Variants in NELL1 observed in about 807,000 individuals in gnomAD.
NELL1 encodes protein kinase C-binding protein NELL1.
Under a neutral mutation model 107.4 loss-of-function variants are expected in NELL1, and 76 were observed. The ratio of observed to expected loss-of-function variants is 0.71; its 90% confidence interval spans 0.59 to 0.86. The LOEUF (loss-of-function observed/expected upper bound fraction) is 0.86. Ranked by LOEUF, NELL1 falls within the 40% of genes least tolerant of loss-of-function variation. The pLI is 0.00. For synonymous variants in NELL1, 353 were observed against 341.2 expected (o/e 1.03, Z -0.38); for missense variants, 1,024 against 1,005.5 (o/e 1.02, Z -0.25).
At position 21,376,113 on chromosome 11, in the gene NELL1, T is replaced by C. The variant is rs116435065; in HGVS notation, c.1645+5165T>C. Among the ~76,000 whole-genome samples, 669 of 151,230 alleles carry C rather than the reference T, an allele frequency of 4.4e-3. 5 individuals are homozygous for C. The highest frequency in any genetic ancestry group is 0.015 in the African/African-American group (634 of 41,066). ...TTGCTTATGAAGAGTTAGGCATAAA[T>C]TCTTTCCTAAGGCTGATGTCCATAG... On this transcript the variant is annotated intron_variant, in intron 15 of 19. Transcript: ENST00000357134.
intron 15 of NELL1, among the ~76,000 whole-genome samples, chr11:21,404,954 A>G (rs944387307): frequency 1.3e-5 from 2 of 152,026 alleles, no homozygotes; most frequent in African/African-American, 4.8e-5. Context: ...CAGATTACCT[A>G]TTCTAGGTCC....
chr11:20,705,203 A>G (rs935859308), intron 2 of NELL1, among the ~76,000 whole-genome samples: 46 of 152,194 alleles, frequency 3.0e-4, no homozygotes, highest in African/African-American at 9.7e-4. Context: ...CCACATTGCC[A>G]AGTCAATCCT....
chr11:21,388,454 G>T (rs887542664), intron 15 of NELL1, among the ~76,000 whole-genome samples: 3 of 151,826 alleles, frequency 2.0e-5, no homozygotes, highest in Admixed American at 1.3e-4. Flanking sequence ...TTGAGAACAA[G>T]AACAATTTTA....
chr11:21,392,044 A>T (rs1851890764), intron 15 of NELL1, among the ~76,000 whole-genome samples: 1 of 151,790 alleles, frequency 6.6e-6, no homozygotes, highest in African/African-American at 2.4e-5. Flanking sequence ...GCATTCTGAG[A>T]GTCAGGTCGG....
chr11:21,092,955 G>T lies in NELL1; in HGVS notation c.1301-20634G>T, dbSNP rs188814404. Among the ~76,000 whole-genome samples the T allele has an allele frequency of 4.0e-3, 602 of 152,160 alleles. 8 individuals carry two copies. Among genetic ancestry groups the T allele is most frequent in the Non-Finnish European group, 4.1e-3 (279 of 68,010 alleles). On this transcript the variant is annotated intron_variant, in intron 12 of 19. Transcript: ENST00000357134. ...ACAATTCTCTTCTAGGTGGTCTGGCGGGATCAGAGCAGAGAAGAGTCAGCT... is the reference window on the plus strand; with the variant it reads ...ACAATTCTCTTCTAGGTGGTCTGGCTGGATCAGAGCAGAGAAGAGTCAGCT...
intron 14 of NELL1, among the ~76,000 whole-genome samples, chr11:21,331,111 T>C (rs1242956707): frequency 6.6e-6 from 1 of 152,088 alleles, no homozygotes; most frequent in African/African-American, 2.4e-5. Flanking sequence ...TGCCCTCATA[T>C]CTTCCTTAAC....
At position 20,713,421 on chromosome 11, in the gene NELL1, T is replaced by G. The variant is rs189335881; in HGVS notation, c.184+35361T>G. ...CAGAGGGGATTATGGCTGCCTCTTC[T>G]GTGTCATATAGTTCACCAGGGAAGT... On this transcript the variant is annotated intron_variant, in intron 2 of 19. Coordinates refer to ENST00000357134, the MANE Select transcript of NELL1 (RefSeq NM_006157.5). 4.6e-5 allele frequency among the ~76,000 whole-genome samples: 7 copies of G among 152,232 alleles called. No homozygotes were observed. In the East Asian group the frequency reaches 1.4e-3, roughly 29 times the overall value.
intron 4 of NELL1, among the ~76,000 whole-genome samples, chr11:20,862,395 C>G (rs191341114): frequency 6.6e-6 from 1 of 152,212 alleles, no homozygotes; most frequent in Admixed American, 6.5e-5. Flanking sequence ...GCTTCCCTTT[C>G]TGTCAACATC....
chr11:21,046,624 A>C (rs576135088), intron 12 of NELL1, among the ~76,000 whole-genome samples: 1 of 152,122 alleles, frequency 6.6e-6, no homozygotes, highest in African/African-American at 2.4e-5. Context: ...ATTCACAACT[A>C]TAATTATTCT....
At chr11:20,991,757 G>C (rs957004461) in intron 12 of NELL1, among the ~76,000 whole-genome samples, 1 of 152,176 alleles carries the variant, frequency 6.6e-6, no homozygotes, top group Non-Finnish European at 1.5e-5. Context: ...CTCTGGGAAC[G>C]ATACTCGCTA....
intron 12 of NELL1, among the ~76,000 whole-genome samples, chr11:21,034,514 C>G (rs1361187541): frequency 2.0e-5 from 3 of 152,150 alleles, no homozygotes; most frequent in Non-Finnish European, 2.9e-5. Flanking sequence ...CACTCCTGAG[C>G]AAATGCGAAA....
At chr11:20,708,311 G>A (rs959290477) in intron 2 of NELL1, among the ~76,000 whole-genome samples, 29 of 152,154 alleles carry the variant, frequency 1.9e-4, no homozygotes, top group Admixed American at 1.4e-3. Context: ...GCGATGCCCC[G>A]CCCTGCTTCG....
At chr11:21,466,667 G>A (rs1267227123) in intron 15 of NELL1, among the ~76,000 whole-genome samples, 1 of 152,138 alleles carries the variant, frequency 6.6e-6, no homozygotes, top group African/African-American at 2.4e-5. Flanking sequence ...AGTGCCTCTT[G>A]TTGAATTTGA....
At chr11:21,372,402 C>T (rs1259364134) in intron 15 of NELL1, among the ~76,000 whole-genome samples, 1 of 151,896 alleles carries the variant, frequency 6.6e-6, no homozygotes, top group Admixed American at 6.6e-5. Context: ...ATCATGAATA[C>T]TACTACTAAT....
At chr11:21,111,016 TC>T (rs1341082988) in intron 12 of NELL1, among the ~76,000 whole-genome samples, 1 of 152,066 alleles carries the variant, frequency 6.6e-6, no homozygotes, top group African/African-American at 2.4e-5. Flanking sequence ...TACGCAAAGC[TC>T]CTTTTTGTAA....
chr11:21,183,324 A>T (rs951232451), intron 13 of NELL1, among the ~76,000 whole-genome samples: 1 of 151,936 alleles, frequency 6.6e-6, no homozygotes, highest in African/African-American at 2.4e-5. Flanking sequence ...ATAATAAATG[A>T]TTGTTGCTGA....
chr11:21,276,774 C>G (rs1036966843), intron 14 of NELL1, among the ~76,000 whole-genome samples: 9 of 152,182 alleles, frequency 5.9e-5, no homozygotes, highest in African/African-American at 2.2e-4. Flanking sequence ...CTTTGACAAA[C>G]CTGACAAAAA....
intron 5 of NELL1, among the ~76,000 whole-genome samples, chr11:20,891,497 A>G (rs897998170): frequency 9.2e-5 from 14 of 152,196 alleles, no homozygotes; most frequent in Non-Finnish European, 2.1e-4. Flanking sequence ...GACAGGATCA[A>G]ATTCACACAT....
intron 3 of NELL1, among the ~76,000 whole-genome samples, chr11:20,843,380 A>G (rs1396612713): frequency 6.6e-6 from 1 of 152,122 alleles, no homozygotes; most frequent in African/African-American, 2.4e-5. Context: ...GCTAGTATAT[A>G]TCCTTGTAGA....
Sources: allele counts gnomAD v4.1 joint callset (sites outside exome capture counted in the v4.1 genomes callset), GRCh38; gene constraint gnomAD v4.1.1; transcripts MANE v1.5; gene names NCBI Gene and HGNC (gene_info 2026-07-23, HGNC 2026-07-21).